Variants in SPRED1 observed in about 807,000 individuals in gnomAD.
SPRED1 encodes sprouty-related, EVH1 domain-containing protein 1.
SPRED1 carries 18 observed loss-of-function variants against 52.3 expected under a neutral mutation model. The ratio of observed to expected loss-of-function variants is 0.34; its 90% CI spans 0.24 to 0.51. SPRED1 has a LOEUF of 0.51. Among genes scored for constraint, SPRED1 ranks in the 20% least tolerant of loss-of-function variants. The probability of loss-of-function intolerance (pLI) is 0.97; values close to 1 mark genes in which losing one functional copy is unlikely to be tolerated. For synonymous variants in SPRED1, 155 were observed against 179.7 expected (o/e 0.86, Z 1.10); for missense variants, 485 against 551.0 (o/e 0.88, Z 1.20).
chr15:38,311,281 A>G (rs546028232), intron 2 of SPRED1, among the ~76,000 whole-genome samples: 2 of 152,146 alleles, frequency 1.3e-5, no homozygotes. Flanking sequence ...CCACTTGGTC[A>G]TGGTGTATAA....
chr15:38,325,286 G>T (rs76076804), intron 4 of SPRED1, among the ~76,000 whole-genome samples: 4,860 of 152,248 alleles, frequency 0.032, 120 homozygotes, highest in Middle Eastern at 0.051. Flanking sequence ...CCTTCAGCCT[G>T]TGTGTTATAA....
chr15:38,266,745 C>G (rs1015881901), intron 1 of SPRED1, among the ~76,000 whole-genome samples: 8 of 152,130 alleles, frequency 5.3e-5, no homozygotes, highest in Non-Finnish European at 1.0e-4. Flanking sequence ...ATGAGACAGA[C>G]TGGCTTCTAG....
intron 1 of SPRED1, among the ~76,000 whole-genome samples, chr15:38,273,211 G>A (rs932655699): frequency 6.6e-6 from 1 of 152,062 alleles, no homozygotes; most frequent in Non-Finnish European, 1.5e-5. Flanking sequence ...ATATGGCTGG[G>A]ATAGCTGGCT....
At chr15:38,339,615 AG>A in intron 4 of SPRED1, 121 bp from the exon 5 acceptor site, 1 of 948,726 alleles carries the variant, frequency 1.1e-6, no homozygotes, top group Non-Finnish European at 1.7e-6. Context: ...TGCTATTCAT[AG>A]CGATGGTAGC....
At chr15:38,314,589 CCT>C (rs1306583645) in intron 2 of SPRED1, among the ~76,000 whole-genome samples, 1 of 151,788 alleles carries the variant, frequency 6.6e-6, no homozygotes, top group African/African-American at 2.4e-5. Flanking sequence ...TACTTTCTCA[CCT>C]CATTTATTTA....
At chr15:38,314,152 A>G (rs1008632467) in intron 2 of SPRED1, among the ~76,000 whole-genome samples, 2 of 151,794 alleles carry the variant, frequency 1.3e-5, no homozygotes, top group Admixed American at 1.3e-4. Context: ...AGAAGAATGT[A>G]TTTTTCAAGT....
At chr15:38,288,232 G>A (rs1894848700) in intron 1 of SPRED1, among the ~76,000 whole-genome samples, 1 of 152,100 alleles carries the variant, frequency 6.6e-6, no homozygotes, top group African/African-American at 2.4e-5. Context: ...GGTAGAGGAA[G>A]GTACTGGAAA....
intron 4 of SPRED1, among the ~76,000 whole-genome samples, chr15:38,337,203 CA>C (rs1895941262): frequency 6.6e-6 from 1 of 152,074 alleles, no homozygotes; most frequent in Non-Finnish European, 1.5e-5. Context: ...TCCTTATCAC[CA>C]CTTTTTAAAA....
At chr15:38,256,685 G>A (rs1008215965) in intron 1 of SPRED1, among the ~76,000 whole-genome samples, 1 of 152,092 alleles carries the variant, frequency 6.6e-6, no homozygotes, top group Middle Eastern at 3.2e-3. Flanking sequence ...TCCGTAAATA[G>A]AAAGCAAATT....
At chr15:38,290,729 C>T (rs1467792201) in intron 1 of SPRED1, among the ~76,000 whole-genome samples, 1 of 152,164 alleles carries the variant, frequency 6.6e-6, no homozygotes, top group Non-Finnish European at 1.5e-5. Context: ...CATCAGATCT[C>T]CTGAGACTTA....
rs114286468 is a variant in SPRED1, at chr15:38,272,853, T to C, written c.32+19636T>C. Among the ~76,000 whole-genome samples the C allele has an allele frequency of 8.1e-3, 1,240 of 152,306 alleles. 18 individuals are homozygous for C. The highest frequency in any genetic ancestry group is 0.028 in the African/African-American group (1,184 of 41,562). The stretch of plus-strand genomic sequence containing the variant: ...TGTCTTCTTTTGAGCAGTGTCTGTT[T>C]ATGTCTTTTGCCCTTTTTAAAATGA... On this transcript the variant is annotated intron_variant, in intron 1 of 6. Transcript: ENST00000299084.
chr15:38,294,741 C>T (rs1257197777), intron 1 of SPRED1, among the ~76,000 whole-genome samples: 1 of 152,164 alleles, frequency 6.6e-6, no homozygotes, highest in Admixed American at 6.5e-5. Flanking sequence ...GGAAACTGAT[C>T]TGAGCAAGAG....
chr15:38,320,404 G>A (rs2140993433), intron 2 of SPRED1, among the ~76,000 whole-genome samples: 1 of 152,242 alleles, frequency 6.6e-6, no homozygotes, highest in South Asian at 2.1e-4. Context: ...GCTCATGCAG[G>A]GCCTAGTAGG....
chr15:38,293,256 C>T (rs1190267797), intron 1 of SPRED1, among the ~76,000 whole-genome samples: 6 of 152,000 alleles, frequency 3.9e-5, no homozygotes, highest in Admixed American at 2.6e-4. Context: ...CACGCCACTA[C>T]GCCCATCTAA....
At chr15:38,303,698 GTAT>G (rs1383623668) in intron 2 of SPRED1, among the ~76,000 whole-genome samples, 29 of 151,904 alleles carry the variant, frequency 1.9e-4, no homozygotes, top group Non-Finnish European at 3.4e-4. Context: ...AAATTTGCTA[GTAT>G]TATTAAAATT....
intron 2 of SPRED1, among the ~76,000 whole-genome samples, chr15:38,302,847 T>C (rs1213263655): frequency 2.6e-5 from 4 of 152,148 alleles, no homozygotes; most frequent in Non-Finnish European, 4.4e-5. Context: ...GGGGATGGAA[T>C]GATCGTTGTT....
chr15:38,273,616 T>C (rs1894486859), intron 1 of SPRED1, among the ~76,000 whole-genome samples: 2 of 150,432 alleles, frequency 1.3e-5, no homozygotes, highest in African/African-American at 4.9e-5. Context: ...AAAAAAATTA[T>C]TCCCTTCACT....
At chr15:38,287,364 A>C (rs1281751375) in intron 1 of SPRED1, among the ~76,000 whole-genome samples, 5 of 152,170 alleles carry the variant, frequency 3.3e-5, no homozygotes, top group Admixed American at 6.5e-5. Context: ...CTTTTCATTC[A>C]ATCTGCAAAA....
chr15:38,324,033 A>G (rs1222301607), intron 3 of SPRED1, among the ~76,000 whole-genome samples: 1 of 152,182 alleles, frequency 6.6e-6, no homozygotes, highest in East Asian at 1.9e-4. Flanking sequence ...CAGCTGCTAT[A>G]TAGACTTTCA....
Sources: allele counts gnomAD v4.1 joint callset (sites outside exome capture counted in the v4.1 genomes callset), GRCh38; gene constraint gnomAD v4.1.1; transcripts MANE v1.5; gene names NCBI Gene and HGNC (gene_info 2026-07-23, HGNC 2026-07-21).